BRCA2: variants seen among roughly 807,000 people sequenced by gnomAD.
BRCA2 encodes breast cancer type 2 susceptibility protein.
In BRCA2, 203 loss-of-function variants were observed where a neutral mutation model predicts 276.7. The observed-to-expected ratio is 0.73, with a 90% CI of 0.65 to 0.82. The LOEUF (loss-of-function observed/expected upper bound fraction) is 0.82. BRCA2 is among the 40% of genes least tolerant of loss of function. The probability of loss-of-function intolerance (pLI) is 0.00; values close to 1 mark genes in which losing one functional copy is unlikely to be tolerated. For missense variants in BRCA2, 3,920 were observed against 3,915.0 expected, an observed-to-expected ratio of 1.00 and a Z score of -0.03; for synonymous variants, 1,289 against 1,338.4, an observed-to-expected ratio of 0.96 and a Z score of 0.81.
intron 18 of BRCA2, 53 bp downstream of exon 18, chr13:32,363,586 T>C: frequency 1.3e-6 from 2 of 1,500,678 alleles, no homozygotes; most frequent in South Asian, 2.3e-5. Context: ...AGTTAAATTC[T>C]AGAAGTTTTA....
At chr13:32,321,603 T>C (rs2072306634) in intron 3 of BRCA2, among the ~76,000 whole-genome samples, 1 of 152,234 alleles carries the variant, frequency 6.6e-6, no homozygotes, top group Non-Finnish European at 1.5e-5. Context: ...AGGAGTTAAC[T>C]TTTTGAAGGC....
At chr13:32,391,861 A>T (rs960915808) in intron 24 of BRCA2, among the ~76,000 whole-genome samples, 3 of 152,262 alleles carry the variant, frequency 2.0e-5, no homozygotes, top group Non-Finnish European at 4.4e-5. Context: ...ATGGAATTTG[A>T]TCCAGACATG....
chr13:32,319,125 C>T lies in BRCA2; in HGVS notation c.116C>T (p.Ala39Val), dbSNP rs398122724. The T allele has an allele frequency of 1.8e-5, 29 of 1,613,228 alleles. No individual in the cohort carries two copies. The highest frequency in any genetic ancestry group is 2.3e-5 in the Non-Finnish European group (27 of 1,179,414). Reference protein sequence around the residue: ...LNWFEELSSEAPPYNSEPAEE... With the variant: ...LNWFEELSSEVPPYNSEPAEE... ...TGGTTTGAAGAACTTTCTTCAGAAG[C>T]TCCACCCTATAATTCTGAACCTGCA... The change falls in exon 3 of 27, where the codon GCT becomes GTT. Residue 39 changes from alanine to valine, a missense_variant. Ala to Val is a moderately conservative substitution (Grantham distance 64, BLOSUM62 0). Around this residue, in one of 2 missense-constraint regions of BRCA2, gnomAD observed 3,263 missense variants for 3,156.9 expected, o/e 1.03. Transcript: ENST00000380152.
chr13:32,336,607 C>T lies in BRCA2; in HGVS notation c.2252C>T (p.Thr751Ile), dbSNP rs398122743. The T allele has an allele frequency of 6.2e-7, 1 of 1,613,960 alleles. No homozygotes were observed. Among genetic ancestry groups the T allele is most frequent in the Non-Finnish European group, 8.5e-7 (1 of 1,179,968 alleles). ...CATTCAAAAGTGGAATACAGTGATA[C>T]TGACTTTCAATCCCAGAAAAGTCTT... Reference protein sequence around the residue: ...VQHSKVEYSDTDFQSQKSLLY... With the variant: ...VQHSKVEYSDIDFQSQKSLLY... The change falls in exon 11 of 27, where the codon ACT becomes ATT. Residue 751 changes from threonine (T) to isoleucine (I), a missense_variant. Thr to Ile is a moderately conservative substitution (Grantham distance 89, BLOSUM62 -1). This residue lies in a region of BRCA2 where 3,263 missense variants were observed against 3,156.9 expected (regional missense o/e 1.03). Transcript: ENST00000380152.
In BRCA2 at chr13:32,333,776, C is replaced by T. The variant is rs145137109; in HGVS notation, c.1909+389C>T. 1.8e-3 allele frequency among the ~76,000 whole-genome samples: 273 copies of T among 152,260 alleles called. 1 individual carries two copies. Among genetic ancestry groups the T allele is most frequent in the African/African-American group, 6.3e-3 (261 of 41,550 alleles). On this transcript the variant is annotated intron_variant, in intron 10 of 26. Transcript: ENST00000380152. ...GGTGCTCTCCTTCCCCCCACACACC[C>T]CCACCTCCTGACAGACCCTAGTGTG...
rs916055887 is a variant in BRCA2, at chr13:32,336,690, C to G, written c.2335C>G (p.Leu779Val). 1 of 1,613,812 alleles carries G rather than the reference C, an allele frequency of 6.2e-7. No homozygotes were observed. Among genetic ancestry groups the G allele is most frequent in the South Asian group, 1.1e-5 (1 of 91,066 alleles). Reference protein sequence around the residue: ...LILTPTSKDVLSNLVMISRGK... With the variant: ...LILTPTSKDVVSNLVMISRGK... ...TTTAACTCCTACTTCCAAGGATGTT[C>G]TGTCAAACCTAGTCATGATTTCTAG... is the stretch of plus-strand genomic sequence containing the variant. The change falls in exon 11 of 27, where the codon CTG becomes GTG. Residue 779 changes from leucine (L) to valine (V), a missense_variant. Physicochemically the swap from Leu to Val is conservative, Grantham distance 32. Around this residue, in one of 2 missense-constraint regions of BRCA2, gnomAD observed 3,263 missense variants for 3,156.9 expected, o/e 1.03. Coordinates refer to ENST00000380152, the MANE Select transcript of BRCA2 (RefSeq NM_000059.4).
chr13:32,333,448 CTG>C, intron 10 of BRCA2, 61 bp downstream of exon 10: 2 of 1,539,086 alleles, frequency 1.3e-6, no homozygotes, highest in Non-Finnish European at 8.8e-7. Context: ...ACGATTCCTT[CTG>C]TGTTTTTTTC....
At chr13:32,386,855 A>G (rs1196848644) in intron 24 of BRCA2, among the ~76,000 whole-genome samples, 2 of 152,208 alleles carry the variant, frequency 1.3e-5, no homozygotes, top group Admixed American at 6.5e-5. Flanking sequence ...ATAACAAAGA[A>G]CCATAGACTG....
At chr13:32,325,492 A>C (rs1195954568) in intron 4 of BRCA2, among the ~76,000 whole-genome samples, 1 of 151,600 alleles carries the variant, frequency 6.6e-6, no homozygotes, top group Non-Finnish European at 1.5e-5. Context: ...TTTAAAATAA[A>C]TTGTGTACTT....
intron 18 of BRCA2, among the ~76,000 whole-genome samples, chr13:32,366,220 A>T (rs2072780973): frequency 6.6e-6 from 1 of 152,226 alleles, no homozygotes; most frequent in East Asian, 1.9e-4. Flanking sequence ...CTAGTGGTAT[A>T]TACCCCAAGA....
intron 18 of BRCA2, 90 bp downstream of exon 18, chr13:32,363,623 G>C (rs2137583550): frequency 8.5e-7 from 1 of 1,175,236 alleles, no homozygotes; most frequent in South Asian, 1.4e-5. Flanking sequence ...GCTTACTAAG[G>C]ATGCTCAATT....
Position 32,379,739 on chromosome 13 carries a change from T to A in BRCA2, c.8954-11T>A, listed in dbSNP as rs1555288427. On this transcript the variant is annotated splice_polypyrimidine_tract_variant and intron_variant, in intron 22 of 26. Transcript: ENST00000380152. ...TCTTCCATTGCATCTTTCTCATCTT[T>A]CTCCAAACAGTTATACTGAGTATTT... The A allele has an allele frequency of 6.2e-7, 1 of 1,608,028 alleles. No homozygotes were observed. Among genetic ancestry groups the A allele is most frequent in the Admixed American group, 1.7e-5 (1 of 59,982 alleles).
intron 18 of BRCA2, among the ~76,000 whole-genome samples, chr13:32,363,805 C>G (rs2072763063): frequency 6.6e-6 from 1 of 152,196 alleles, no homozygotes; most frequent in South Asian, 2.1e-4. Flanking sequence ...GCTTGCTGCC[C>G]TCTTGTTCTC....
intron 16 of BRCA2, among the ~76,000 whole-genome samples, chr13:32,359,246 AAGTT>A (rs914354559): frequency 1.3e-5 from 2 of 150,838 alleles, no homozygotes; most frequent in African/African-American, 2.4e-5. Context: ...AAAAAAAAGA[AAGTT>A]AAATTTGAAA....
At chr13:32,365,537 C>A (rs1032196900) in intron 18 of BRCA2, among the ~76,000 whole-genome samples, 1 of 151,858 alleles carries the variant, frequency 6.6e-6, no homozygotes, top group Non-Finnish European at 1.5e-5. Flanking sequence ...CCTGCCACCA[C>A]ACCCAGCCAA....
intron 24 of BRCA2, among the ~76,000 whole-genome samples, chr13:32,388,075 C>T (rs2137640447): frequency 6.6e-6 from 1 of 151,782 alleles, no homozygotes; most frequent in Admixed American, 6.6e-5. Flanking sequence ...CACACGAGAA[C>T]ACCCGCTAAG....
intron 20 of BRCA2, among the ~76,000 whole-genome samples, chr13:32,373,099 C>A (rs1292083404): frequency 2.0e-5 from 3 of 151,486 alleles, no homozygotes; most frequent in African/African-American, 7.3e-5. Flanking sequence ...TCAAGCAATT[C>A]TCATGCCTCA....
chr13:32,322,319 G>C (rs1050718621), intron 3 of BRCA2, among the ~76,000 whole-genome samples: 69 of 152,286 alleles, frequency 4.5e-4, no homozygotes, highest in African/African-American at 1.4e-3. Context: ...CCCTAACCCA[G>C]CGGCACTAGA....
In BRCA2 at chr13:32,356,619, TG is replaced by T. The variant is rs745954751; in HGVS notation, c.7617+11del. On this transcript the variant is annotated intron_variant, in intron 15 of 26. Transcript: ENST00000380152. ...GTGTTCTCATAAACAGGTATGTGTT[TG>T]TCTACAATACTGATGGCTTTTATGA... is the stretch of plus-strand genomic sequence containing the variant. The T allele has an allele frequency of 4.3e-6, 7 of 1,613,448 alleles. No individual in the cohort carries two copies. The South Asian group carries it at 7.7e-5, about 18-fold the overall frequency.
Sources: gnomAD v4.1 joint callset for allele counts (sites outside exome capture counted in the v4.1 genomes callset) on GRCh38, gnomAD v4.1.1 for gene constraint, gnomAD v4.1.1 regional missense constraint, MANE v1.5 for transcripts, NCBI Gene and HGNC (gene_info 2026-07-23, HGNC 2026-07-21) for gene names.